TRIO: variants seen among roughly 807,000 people sequenced by gnomAD.
TRIO encodes triple functional domain protein.
In TRIO, 58 loss-of-function variants were observed where a neutral mutation model predicts 351.9. That is an observed-to-expected ratio of 0.16 (90% CI 0.13 to 0.21). TRIO has a LOEUF of 0.21. Ranked by LOEUF, TRIO falls within the 10% of genes least tolerant of loss-of-function variation. The pLI, the probability that TRIO is intolerant of heterozygous loss-of-function variation, is 1.00. For missense variants in TRIO, 3,201 were observed against 4,027.8 expected, an observed-to-expected ratio of 0.79 and a Z score of 5.56; for synonymous variants, 1,758 against 1,595.7, an observed-to-expected ratio of 1.10 and a Z score of -2.42.
chr5:14,308,719 G>GTCCATCCATCCATCCA lies in TRIO; in HGVS notation c.1500+4152_1500+4167dup, dbSNP rs56135752. 3.5e-4 allele frequency among the ~76,000 whole-genome samples: 44 copies of GTCCATCCATCCATCCA among 125,092 alleles called. 1 individual carries two copies. The highest frequency in any genetic ancestry group is 1.7e-3 in the East Asian group (7 of 4,202). The allele number at this position is 125,092 out of a possible 152,430, so 82.1% of individuals were successfully genotyped here. ...TAATCACCCAACCACCCATTCATTT[G>GTCCATCCATCCATCCA]TCCATCCATCCATCCATCCATCCAT... On this transcript the variant is annotated intron_variant, in intron 8 of 56. Transcript: ENST00000344204.
At position 14,268,680 on chromosome 5, in the gene TRIO, A is replaced by T. The variant is rs114832337; in HGVS notation, c.158-2145A>T. On this transcript the variant is annotated intron_variant, in intron 1 of 56. Transcript: ENST00000344204. ...TACTCCTTCCTAGTATTTGTCTATC[A>T]TGTGATCTGTCCCCTCCTCATTTGC... is the stretch of plus-strand genomic sequence containing the variant. Among the ~76,000 whole-genome samples, 1,342 of 152,338 alleles carry T rather than the reference A, an allele frequency of 8.8e-3. 14 individuals are homozygous for T. Among genetic ancestry groups the T allele is most frequent in the African/African-American group, 0.031 (1,273 of 41,576 alleles).
In TRIO at chr5:14,359,330, T is replaced by C. The variant is rs1743916605; in HGVS notation, c.2217-27T>C. On this transcript the variant is annotated intron_variant, in intron 12 of 56. Transcript: ENST00000344204. The stretch of plus-strand genomic sequence containing the variant: ...AACAATGTGTGACTTTCTCATCCAA[T>C]TCCTGTTCCTCTGTGTGCTCTCGCA... 5 of 1,596,350 alleles carry C rather than the reference T, an allele frequency of 3.1e-6. No homozygotes were observed. The East Asian group carries it at 1.1e-4, about 36-fold the overall frequency.
intron 46 of TRIO, among the ~76,000 whole-genome samples, 183 bp from the exon 47 acceptor site, chr5:14,484,886 C>T (rs1755803353): frequency 6.6e-6 from 1 of 152,158 alleles, no homozygotes; most frequent in Non-Finnish European, 1.5e-5. Flanking sequence ...GCATATTTCA[C>T]TTAACATAAC....
intron 1 of TRIO, among the ~76,000 whole-genome samples, chr5:14,185,426 A>T (rs565931325): frequency 1.3e-5 from 2 of 152,332 alleles, no homozygotes; most frequent in South Asian, 4.1e-4. Context: ...TGCCCAGCAT[A>T]GTTGTTAAAC....
At chr5:14,491,243 C>T (rs183807892) in intron 48 of TRIO, among the ~76,000 whole-genome samples, 2 of 152,300 alleles carry the variant, frequency 1.3e-5, no homozygotes, top group East Asian at 1.9e-4. Context: ...CCTGCTCCAG[C>T]GTGTACTGAT....
intron 8 of TRIO, among the ~76,000 whole-genome samples, chr5:14,308,633 C>T (rs960899659): frequency 7.0e-6 from 1 of 143,352 alleles, no homozygotes; most frequent in East Asian, 2.1e-4. Context: ...CAACCAGTCA[C>T]CCAACCACCC....
chr5:14,438,093 T>C (rs1279962640), intron 34 of TRIO, among the ~76,000 whole-genome samples: 10 of 152,188 alleles, frequency 6.6e-5, no homozygotes, highest in Admixed American at 1.3e-4. Context: ...AAACAGAAGT[T>C]CTTGTTTTCC....
At chr5:14,462,682 TC>T (rs1326279371) in intron 35 of TRIO, 72 bp from the exon 36 acceptor site, 14 of 1,580,664 alleles carry the variant, frequency 8.9e-6, no homozygotes, top group Non-Finnish European at 1.2e-5. Context: ...CCACCTTGCT[TC>T]TCCAAGTAAC....
At chr5:14,430,153 A>G (rs1454527338) in intron 34 of TRIO, among the ~76,000 whole-genome samples, 1 of 151,318 alleles carries the variant, frequency 6.6e-6, no homozygotes, top group Admixed American at 6.6e-5. Context: ...GAAAAAATCA[A>G]TATAAAACTT....
chr5:14,344,713 A>C (rs1742261458), intron 11 of TRIO, among the ~76,000 whole-genome samples: 1 of 152,200 alleles, frequency 6.6e-6, no homozygotes, highest in African/African-American at 2.4e-5. Context: ...CTACCTCATT[A>C]ATCTTTGAAC....
chr5:14,143,817 G>A lies in TRIO; in HGVS notation c.92G>A (p.Gly31Asp). 1 of 1,061,456 alleles carries A rather than the reference G, an allele frequency of 9.4e-7. No individual in the cohort carries two copies. The highest frequency in any genetic ancestry group is 1.1e-6 in the Non-Finnish European group (1 of 880,878). The allele number at this position is 1,061,456 out of a possible 1,614,324, so 65.8% of individuals were successfully genotyped here. ...ASAAGSGCGG[G>D]AGEGAEEAAK... Reference sequence around the variant, plus strand: ...GCGGCTGGCTCGGGCTGCGGGGGCGGTGCCGGCGAGGGGGCAGAGGAGGCG... The same window carrying A: ...GCGGCTGGCTCGGGCTGCGGGGGCGATGCCGGCGAGGGGGCAGAGGAGGCG... Residue 31 changes from glycine to aspartate, a missense_variant, in exon 1 of 57, where the codon GGT (glycine) becomes GAT (aspartate). This residue lies in a region of TRIO where 109 missense variants were observed against 134.6 expected (regional missense o/e 0.81). Coordinates refer to ENST00000344204, the MANE Select transcript of TRIO (RefSeq NM_007118.4).
chr5:14,195,202 T>G (rs1439974502), intron 1 of TRIO, among the ~76,000 whole-genome samples: 1 of 152,202 alleles, frequency 6.6e-6, no homozygotes, highest in East Asian at 1.9e-4. Context: ...GCAGCCCTCT[T>G]TAGTCTTTTT....
chr5:14,428,781 T>C (rs1373509430), intron 34 of TRIO, among the ~76,000 whole-genome samples: 3 of 152,164 alleles, frequency 2.0e-5, no homozygotes, highest in African/African-American at 7.2e-5. Context: ...TGAGAAACGG[T>C]CTTCCCACAC....
chr5:14,274,279 T>C (rs1282653687), intron 2 of TRIO, among the ~76,000 whole-genome samples: 1 of 152,218 alleles, frequency 6.6e-6, no homozygotes, highest in East Asian at 1.9e-4. Context: ...GATTTTCCTA[T>C]AGTGTAGATT....
intron 1 of TRIO, among the ~76,000 whole-genome samples, chr5:14,218,817 A>G (rs2152205167): frequency 6.6e-6 from 1 of 152,334 alleles, no homozygotes; most frequent in Non-Finnish European, 1.5e-5. Flanking sequence ...AACATGGCAG[A>G]TGACAATTTC....
At chr5:14,387,387 C>G in intron 21 of TRIO, 51 bp from the exon 22 acceptor site, 1 of 1,542,452 alleles carries the variant, frequency 6.5e-7, no homozygotes, top group Non-Finnish European at 8.8e-7. Flanking sequence ...TTTGAGGTTT[C>G]TGGCAGTCGG....
chr5:14,411,753 C>T (rs1749221811), intron 33 of TRIO, among the ~76,000 whole-genome samples: 1 of 151,954 alleles, frequency 6.6e-6, no homozygotes, highest in African/African-American at 2.4e-5. Context: ...CATAAGTGTA[C>T]ACTACTATGC....
chr5:14,178,293 G>T (rs1285390892), intron 1 of TRIO, among the ~76,000 whole-genome samples: 2 of 152,166 alleles, frequency 1.3e-5, no homozygotes, highest in Non-Finnish European at 2.9e-5. Flanking sequence ...AATTAAAAAA[G>T]GGGAGAAAAT....
chr5:14,143,361 C>T lies in TRIO; in HGVS notation c.-365C>T, dbSNP rs1468586854. Among the ~76,000 whole-genome samples, 5 of 151,286 alleles carry T rather than the reference C, an allele frequency of 3.3e-5. No homozygotes were observed. The highest frequency in any genetic ancestry group is 9.7e-5 in the African/African-American group (4 of 41,312). ...TTCCCCATTGAAATCAAGATGGAGG[C>T]TCGCGGCAGCCGCCGGCGCCCGTGA... On this transcript the variant is annotated 5_prime_UTR_variant, in exon 1 of 57. Coordinates refer to ENST00000344204, the MANE Select transcript of TRIO (RefSeq NM_007118.4).
Sources: allele counts gnomAD v4.1 joint callset (sites outside exome capture counted in the v4.1 genomes callset), GRCh38; gene constraint gnomAD v4.1.1; regional missense constraint gnomAD v4.1.1; transcripts MANE v1.5; gene names NCBI Gene and HGNC (gene_info 2026-07-23, HGNC 2026-07-21).